The following NPAS1 variants were observed in gnomAD, a reference collection of about 807,000 sequenced individuals.
The protein encoded by NPAS1 is neuronal PAS domain-containing protein 1.
A neutral mutation model predicts 49.2 loss-of-function variants in NPAS1; 29 were observed. The observed-to-expected ratio is 0.59, with a 90% CI of 0.44 to 0.80. NPAS1 has a LOEUF of 0.80. Among genes scored for constraint, NPAS1 ranks in the 30% least tolerant of loss-of-function variants. The pLI is 0.00. For missense variants in NPAS1, 825 were observed against 835.5 expected, an observed-to-expected ratio of 0.99 and a Z score of 0.15; for synonymous variants, 408 against 380.4, an observed-to-expected ratio of 1.07 and a Z score of -0.84.
chr19:47,036,530 C>T (rs1297292222), intron 6 of NPAS1, among the ~76,000 whole-genome samples: 4 of 152,052 alleles, frequency 2.6e-5, no homozygotes, highest in African/African-American at 2.4e-5. Context: ...CACTTGAGCT[C>T]GGTTGGAGAC....
rs2056842907 is a variant in NPAS1 at position 47,021,705 on chromosome 19, C to G, written c.216C>G (p.Leu72=). The G allele has an allele frequency of 3.2e-6, 5 of 1,556,634 alleles. No individual in the cohort carries two copies. Among genetic ancestry groups the G allele is most frequent in the African/African-American group, 1.4e-5 (1 of 72,076 alleles). The change falls in exon 3 of 12, where the codon CTC becomes CTG. Residue 72 remains leucine (L), a synonymous_variant. Coordinates refer to ENST00000602212, the MANE Select transcript of NPAS1 (RefSeq NM_002517.4). The surrounding 1 kb of genome is among the most constrained non-coding windows in gnomAD (Gnocchi z 5.7). ...AGTTCTTCGAGCTGGCCAAGCTTCT[C>G]CCGCTGCCCGGCGCCATCTCCAGCC... ...NLEFFELAKL[L]PLPGAISSQL... is the part of the protein sequence containing the mutation.
At position 47,040,544 on chromosome 19, in the gene NPAS1, G is replaced by T. The variant is rs767622139; in HGVS notation, c.1063G>T (p.Val355Leu). ...QDATRIRQSH[V>L]DLLDKGQVMT... ...CGCCACGAGGATCCGCCAGAGCCAC[G>T]TGGACTGTGAGACCCACCTCCACCC... Residue 355 changes from valine (V) to leucine (L), a missense_variant, in exon 9 of 12, where the codon GTG (valine) becomes TTG (leucine). Physicochemically the swap from Val to Leu is conservative, Grantham distance 32. Coordinates refer to ENST00000602212, the MANE Select transcript of NPAS1 (RefSeq NM_002517.4). 6.3e-7 allele frequency: 1 copy of T among 1,581,080 alleles called. No homozygotes were observed. The highest frequency in any genetic ancestry group is 8.6e-7 in the Non-Finnish European group (1 of 1,163,718).
intron 11 of NPAS1, among the ~76,000 whole-genome samples, chr19:47,044,903 A>G (rs56385125): frequency 0.017 from 2,630 of 151,994 alleles, 60 homozygotes; most frequent in African/African-American, 0.061. Flanking sequence ...GGTGGCACAC[A>G]CCTGTAATCC....
rs779432921 is a variant in NPAS1 at position 47,021,807 on chromosome 19, G to A, written c.318G>A (p.Pro106=). The change falls in exon 3 of 12, where the codon CCG becomes CCA. Residue 106 remains proline (P), a synonymous_variant. Coordinates refer to ENST00000602212, the MANE Select transcript of NPAS1 (RefSeq NM_002517.4). The surrounding 1 kb of genome is among the most constrained non-coding windows in gnomAD (Gnocchi z 5.7). Reference sequence around the variant, plus strand: ...GCCGGTTCGCCGCGCTGGGGGCGCCGCCCTGGGGGCTGAGAGCCGCGGGGC... The same window carrying A: ...GCCGGTTCGCCGCGCTGGGGGCGCCACCCTGGGGGCTGAGAGCCGCGGGGC... ...RLRRFAALGA[P]PWGLRAAGPP... is the part of the protein sequence containing the mutation. 3 of 1,525,396 alleles carry A rather than the reference G, an allele frequency of 2.0e-6. No homozygotes were observed. Among genetic ancestry groups the A allele is most frequent in the Non-Finnish European group, 1.8e-6 (2 of 1,138,394 alleles). 94.5% of individuals were successfully genotyped at this position (1,525,396 alleles called of 1,614,324 possible). A position where few individuals can be genotyped will look rare whatever the true frequency, so the allele number is the denominator to read the frequency against.
chr19:47,043,011 T>A, intron 11 of NPAS1, 107 bp downstream of exon 11: 2 of 836,528 alleles, frequency 2.4e-6, no homozygotes, highest in Non-Finnish European at 3.4e-6. Context: ...TATATACAAT[T>A]AAAATTAAAA....
chr19:47,031,250 G>A (rs934005082), intron 3 of NPAS1, among the ~76,000 whole-genome samples: 15 of 148,984 alleles, frequency 1.0e-4, no homozygotes, highest in Non-Finnish European at 1.5e-5. Context: ...CCAGGCTGCA[G>A]TGCAGTGGCG....
rs569647363 is a variant in NPAS1 at position 47,037,835 on chromosome 19, G to C, written c.689-1201G>C. Among the ~76,000 whole-genome samples the C allele has an allele frequency of 1.1e-4, 16 of 152,276 alleles. 1 individual carries two copies. The South Asian group carries it at 2.7e-3, about 26-fold the overall frequency. On this transcript the variant is annotated intron_variant, in intron 6 of 11. Transcript: ENST00000602212. ...CATCTGTGTGTGAGCATATTTTTAA[G>C]ACCGTTTTGTAGGGGTTACAGAAGG...
chr19:47,023,705 C>T (rs1254874014), intron 3 of NPAS1, among the ~76,000 whole-genome samples: 1 of 152,166 alleles, frequency 6.6e-6, no homozygotes, highest in African/African-American at 2.4e-5. Context: ...GTAATCCCAG[C>T]ACTTTGGGGC....
At chr19:47,024,862 T>G (rs1599893590) in intron 3 of NPAS1, among the ~76,000 whole-genome samples, 1 of 147,830 alleles carries the variant, frequency 6.8e-6, no homozygotes, top group Non-Finnish European at 1.5e-5. Flanking sequence ...CAGGCTGGAG[T>G]GCAGTGTTGC....
chr19:47,037,493 T>C (rs1039830440), intron 6 of NPAS1, among the ~76,000 whole-genome samples: 7 of 151,826 alleles, frequency 4.6e-5, no homozygotes, highest in Admixed American at 2.6e-4. Context: ...CTATAAGTGA[T>C]TGAGTTGGAT....
chr19:47,045,618 CG>C lies in NPAS1; in HGVS notation c.1741del (p.Ala581ArgfsTer?), dbSNP rs751662714. The C allele has an allele frequency of 6.9e-7, 1 of 1,440,876 alleles. No individual in the cohort carries two copies. Among genetic ancestry groups the C allele is most frequent in the South Asian group, 1.4e-5 (1 of 69,706 alleles). The allele number at this position is 1,440,876 out of a possible 1,614,324, so 89.3% of individuals were successfully genotyped here. ...PPLGLPYPGP[A>X]GTRLPRKGD ...CCCTGGGCCTGCCCTACCCGGGGCC[CG>C]CGGGCACCAGGCTGCCGCGGAAGGG... On this transcript the variant is annotated frameshift_variant, in exon 12 of 12. Coordinates refer to ENST00000602212, the MANE Select transcript of NPAS1 (RefSeq NM_002517.4). LOFTEE classifies it high-confidence loss of function.
intron 6 of NPAS1, among the ~76,000 whole-genome samples, chr19:47,037,604 T>C (rs2056970898): frequency 6.6e-6 from 1 of 152,036 alleles, no homozygotes; most frequent in African/African-American, 2.4e-5. Context: ...TGCTGCAGAT[T>C]ACCCTGCCGG....
chr19:47,039,275 G>A lies in NPAS1; in HGVS notation c.804+124G>A, dbSNP rs111482638. ...GGCTTAGGGAACTGGGTCTGGGAAT[G>A]GGACTGGGGGGGTCACACAGTGTCC... is the stretch of plus-strand genomic sequence containing the variant. On this transcript the variant is annotated intron_variant, in intron 7 of 11. Transcript: ENST00000602212. 7.6e-4 allele frequency: 1,108 copies of A among 1,458,396 alleles called. 6 individuals carry two copies. The African/African-American group carries it at 0.015, about 19-fold the overall frequency. The allele number at this position is 1,458,396 out of a possible 1,614,324, so 90.3% of individuals were successfully genotyped here. A position where few individuals can be genotyped will look rare whatever the true frequency, so the allele number is the denominator to read the frequency against.
Sources: allele counts gnomAD v4.1 joint callset (sites outside exome capture counted in the v4.1 genomes callset), GRCh38; gene constraint gnomAD v4.1.1; non-coding constraint Gnocchi (gnomAD v3.1); transcripts MANE v1.5; gene names NCBI Gene and HGNC (gene_info 2026-07-23, HGNC 2026-07-21).